Variants in PKIB observed in about 807,000 individuals in gnomAD.
The protein encoded by PKIB is PKI-beta.
A neutral mutation model predicts 4.5 loss-of-function variants in PKIB; 2 were observed. The ratio of observed to expected loss-of-function variants is 0.44; its 90% CI spans 0.18 to 1.39. PKIB has a LOEUF of 1.39. Among genes scored for constraint, PKIB ranks in the 40% most tolerant of loss-of-function variants. The probability of loss-of-function intolerance (pLI) is 0.27; values close to 1 mark genes in which losing one functional copy is unlikely to be tolerated. For missense variants in PKIB, 94 were observed against 92.6 expected (o/e 1.02, Z -0.06); for synonymous variants, 38 against 36.0 (o/e 1.06, Z -0.20).
intron 2 of PKIB, among the ~76,000 whole-genome samples, chr6:122,498,987 C>G (rs1276219137): frequency 6.6e-6 from 1 of 152,094 alleles, no homozygotes; most frequent in African/African-American, 2.4e-5. Flanking sequence ...TGCCTGGAAA[C>G]ACACAATCTC....
chr6:122,557,248 G>A (rs1356238776), intron 2 of PKIB, among the ~76,000 whole-genome samples: 2 of 152,136 alleles, frequency 1.3e-5, no homozygotes, highest in South Asian at 2.1e-4. Context: ...GATCTTCAAG[G>A]TAACAAATTA....
rs200013558 is a variant in PKIB at position 122,544,776 on chromosome 6, A to C, written c.-247-41145A>C. 2.0e-5 allele frequency among the ~76,000 whole-genome samples: 3 copies of C among 152,122 alleles called. No individual in the cohort carries two copies. The East Asian group carries it at 5.8e-4, about 29-fold the overall frequency. On this transcript the variant is annotated intron_variant, in intron 2 of 6. Transcript: ENST00000392491. ...ATGGTCTAATATCCAGAATCTGTAA[A>C]GAACTTAAAGAAATCAATAACCAAA...
rs9490467 is a variant in PKIB, at chr6:122,520,472, C to T, written c.-248+42533C>T. Among the ~76,000 whole-genome samples, 87 of 152,258 alleles carry T rather than the reference C, an allele frequency of 5.7e-4. 1 individual carries two copies. The highest frequency in any genetic ancestry group is 2.1e-3 in the African/African-American group (87 of 41,532). On this transcript the variant is annotated intron_variant, in intron 2 of 6. Transcript: ENST00000392491. Reference sequence around the variant, plus strand: ...GAGGCCTCTTCCATATCAAGAGTGTCTATTTACCATAGGTCTATTCTGCAG... The same window carrying T: ...GAGGCCTCTTCCATATCAAGAGTGTTTATTTACCATAGGTCTATTCTGCAG...
intron 2 of PKIB, among the ~76,000 whole-genome samples, chr6:122,488,634 A>G (rs1775842407): frequency 1.3e-5 from 2 of 151,946 alleles, no homozygotes; most frequent in Non-Finnish European, 2.9e-5. Context: ...GGGTTTTGCC[A>G]TGTTGCCCAG....
intron 3 of PKIB, among the ~76,000 whole-genome samples, chr6:122,707,270 A>T (rs1779101618): frequency 6.6e-6 from 1 of 151,962 alleles, no homozygotes; most frequent in Non-Finnish European, 1.5e-5. Context: ...TTTTGATTGA[A>T]TTTTTTGCTT....
intron 1 of PKIB, among the ~76,000 whole-genome samples, chr6:122,624,500 A>G (rs1203482990): frequency 1.3e-5 from 2 of 152,236 alleles, no homozygotes; most frequent in African/African-American, 2.4e-5. Context: ...ACTTAGAGGT[A>G]ATGAACACGT....
At chr6:122,712,705 G>A (rs986611659) in intron 3 of PKIB, among the ~76,000 whole-genome samples, 1 of 152,164 alleles carries the variant, frequency 6.6e-6, no homozygotes, top group African/African-American at 2.4e-5. Context: ...GAAGTCTTAG[G>A]TATAAAATGA....
intron 3 of PKIB, among the ~76,000 whole-genome samples, chr6:122,593,028 C>T (rs1257311303): frequency 6.6e-6 from 1 of 152,250 alleles, no homozygotes; most frequent in Middle Eastern, 3.4e-3. Flanking sequence ...ACTGGCTTTC[C>T]TAAACATTCA....
In PKIB at chr6:122,553,481, C is replaced by CTTTTT. The variant is rs533553939; in HGVS notation, c.-247-32422_-247-32418dup. Among the ~76,000 whole-genome samples, 52 of 65,798 alleles carry CTTTTT rather than the reference C, an allele frequency of 7.9e-4. 5 individuals carry two copies. The highest frequency in any genetic ancestry group is 1.8e-3 in the African/African-American group (30 of 16,952). 43.2% of individuals were successfully genotyped at this position (65,798 alleles called of 152,430 possible). On this transcript the variant is annotated intron_variant, in intron 2 of 6. Coordinates refer to the PKIB transcript ENST00000392491. ...TCTCTCAAGATTGCTCAAATATCTT[C>CTTTTT]TTTTTTTTTTTTTTTTTTTTTTCTG...
chr6:122,567,957 A>T (rs186879482), intron 2 of PKIB, among the ~76,000 whole-genome samples: 2 of 152,204 alleles, frequency 1.3e-5, no homozygotes, highest in Non-Finnish European at 2.9e-5. Flanking sequence ...CTGTATAGCT[A>T]TATCACTCTA....
intron 1 of PKIB, among the ~76,000 whole-genome samples, chr6:122,473,455 T>C (rs1775364434): frequency 6.6e-6 from 1 of 152,200 alleles, no homozygotes; most frequent in African/African-American, 2.4e-5. Flanking sequence ...AAAAGTCATA[T>C]TAATCTTTCT....
At chr6:122,578,207 T>G (rs778287274) in intron 2 of PKIB, among the ~76,000 whole-genome samples, 26 of 152,198 alleles carry the variant, frequency 1.7e-4, no homozygotes, top group Non-Finnish European at 3.7e-4. Flanking sequence ...GGCTAAAAAT[T>G]AAATCAGGGT....
chr6:122,524,339 C>G (rs1191741002), intron 2 of PKIB, among the ~76,000 whole-genome samples: 4 of 148,808 alleles, frequency 2.7e-5, no homozygotes, highest in Non-Finnish European at 5.9e-5. Context: ...CCTCCTTCTT[C>G]TTCTTCCTCC....
intron 2 of PKIB, among the ~76,000 whole-genome samples, chr6:122,520,595 G>A: frequency 6.6e-6 from 1 of 151,980 alleles, no homozygotes; most frequent in East Asian, 1.9e-4. Flanking sequence ...CTCCTCTAGG[G>A]AAAGTCATTA....
intron 3 of PKIB, among the ~76,000 whole-genome samples, chr6:122,703,024 A>G (rs1242400471): frequency 1.3e-5 from 2 of 152,200 alleles, no homozygotes; most frequent in Non-Finnish European, 2.9e-5. Context: ...ACTTTTGTTT[A>G]AAGCCATAAT....
At chr6:122,640,418 AT>A (rs945523802) in intron 2 of PKIB, among the ~76,000 whole-genome samples, 1 of 152,148 alleles carries the variant, frequency 6.6e-6, no homozygotes, top group South Asian at 2.1e-4. Context: ...TGCTGGAAAG[AT>A]TTTTTTTAGC....
intron 3 of PKIB, among the ~76,000 whole-genome samples, chr6:122,711,748 AG>A (rs1300114794): frequency 6.6e-6 from 1 of 152,166 alleles, no homozygotes; most frequent in East Asian, 1.9e-4. Flanking sequence ...TTGTGCTGGA[AG>A]GGTATTCAGC....
intron 2 of PKIB, chr6:122,585,608 C>A (rs1773826956): frequency 6.6e-6 from 1 of 152,024 alleles, no homozygotes; most frequent in African/African-American, 2.4e-5. Flanking sequence ...ATTCAACAGT[C>A]TAAAGCTAAA....
chr6:122,688,855 A>G (rs908502062), intron 3 of PKIB, among the ~76,000 whole-genome samples: 14 of 147,404 alleles, frequency 9.5e-5, no homozygotes, highest in African/African-American at 3.0e-4. Flanking sequence ...ATCTCGGCTC[A>G]CTGCAAGCTC....
Sources: allele counts gnomAD v4.1 joint callset (sites outside exome capture counted in the v4.1 genomes callset), GRCh38; gene constraint gnomAD v4.1.1; transcripts MANE v1.5; gene names NCBI Gene and HGNC (gene_info 2026-07-23, HGNC 2026-07-21).